The following ICE2 variants were observed in gnomAD, a reference collection of about 807,000 sequenced individuals.
ICE2 encodes little elongation complex subunit 2.
ICE2 carries 87 observed loss-of-function variants against 105.4 expected under a neutral mutation model. The observed-to-expected ratio is 0.83, with a 90% CI of 0.69 to 0.99. ICE2 has a LOEUF of 0.99. ICE2 is among the 50% of genes least tolerant of loss of function. ICE2 has a pLI of 0.00. For missense variants in ICE2, 1,323 were observed against 1,146.7 expected (o/e 1.15, Z -2.22); for synonymous variants, 399 against 392.0 (o/e 1.02, Z -0.21).
chr15:60,465,586 C>T (rs2064400336), intron 5 of ICE2, among the ~76,000 whole-genome samples: 1 of 152,040 alleles, frequency 6.6e-6, no homozygotes. Flanking sequence ...CCACCTTATC[C>T]CTTTTTAAGT....
At chr15:60,432,018 CT>C (rs1223094194) in intron 13 of ICE2, 34 bp from the exon 14 acceptor site, 16 of 1,210,192 alleles carry the variant, frequency 1.3e-5, no homozygotes, top group Non-Finnish European at 1.9e-5. Flanking sequence ...TAAAATTAAA[CT>C]GCAAAAAACT....
At chr15:60,458,092 A>G (rs562078721) in intron 5 of ICE2, among the ~76,000 whole-genome samples, 3 of 152,216 alleles carry the variant, frequency 2.0e-5, no homozygotes, top group Admixed American at 2.0e-4. Context: ...GGAAAATCTA[A>G]GACAGTTTTA....
At chr15:60,440,808 A>C (rs11855948) in intron 12 of ICE2, 6,547 of 152,238 alleles carry the variant, frequency 0.043, 223 homozygotes, top group East Asian at 0.16. Flanking sequence ...GAACAAACCA[A>C]AATCCCACAA....
At chr15:60,439,832 T>C (rs942283559) in intron 12 of ICE2, 2 of 152,238 alleles carry the variant, frequency 1.3e-5, no homozygotes, top group Non-Finnish European at 2.9e-5. Flanking sequence ...TCATCCTTTA[T>C]GTCACAATGC....
At chr15:60,466,242 G>A (rs945079972) in intron 5 of ICE2, among the ~76,000 whole-genome samples, 1 of 152,150 alleles carries the variant, frequency 6.6e-6, no homozygotes, top group African/African-American at 2.4e-5. Context: ...TCACTTGACC[G>A]AGTTTTAAAA....
At position 60,422,124 on chromosome 15, in the gene ICE2, C is replaced by G. The variant is rs1002820127; in HGVS notation, c.*1510G>C. ...TAGTGTAAGGGTTCTAAAGATTAAA[C>G]AAGCCTGTCCTGTTTTTTTTTTTCT... is the stretch of plus-strand genomic sequence containing the variant. On this transcript the variant is annotated 3_prime_UTR_variant, in exon 16 of 16. Coordinates refer to ENST00000261520, the MANE Select transcript of ICE2 (RefSeq NM_024611.6). 9 of 151,518 alleles carry G rather than the reference C, an allele frequency of 5.9e-5. No homozygotes were observed. The highest frequency in any genetic ancestry group is 1.9e-4 in the African/African-American group (8 of 41,230). 9.4% of individuals were successfully genotyped at this position (151,518 alleles called of 1,614,324 possible). A position where few individuals can be genotyped will look rare whatever the true frequency, so the allele number is the denominator to read the frequency against.
chr15:60,426,595 G>A (rs1308160313), intron 15 of ICE2, among the ~76,000 whole-genome samples: 1 of 152,176 alleles, frequency 6.6e-6, no homozygotes, highest in African/African-American at 2.4e-5. Flanking sequence ...AATCATTAAA[G>A]TATTTCCAAA....
chr15:60,457,419 G>A (rs1294016763), intron 5 of ICE2, among the ~76,000 whole-genome samples: 1 of 152,082 alleles, frequency 6.6e-6, no homozygotes, highest in African/African-American at 2.4e-5. Flanking sequence ...TGGGGGTGGG[G>A]AAGAGTTGTT....
In ICE2 at chr15:60,476,172, G is replaced by C; in HGVS notation, c.42-5C>G. On this transcript the variant is annotated splice_region_variant and splice_polypyrimidine_tract_variant and intron_variant, in intron 2 of 15. Coordinates refer to ENST00000261520, the MANE Select transcript of ICE2 (RefSeq NM_024611.6). ...CCATTTTTGGGGGAAATATCCCTGT[G>C]AAACAAAGTAATTTACTTACATTTG... 2 of 1,546,726 alleles carry C rather than the reference G, an allele frequency of 1.3e-6. No individual in the cohort carries two copies. Among genetic ancestry groups the C allele is most frequent in the Non-Finnish European group, 1.8e-6 (2 of 1,129,052 alleles).
intron 12 of ICE2, among the ~76,000 whole-genome samples, chr15:60,436,821 T>G (rs1306198279): frequency 6.6e-6 from 1 of 152,042 alleles, no homozygotes; most frequent in East Asian, 1.9e-4. Context: ...TGTATTTTTA[T>G]GTTAATACAT....
In ICE2 at chr15:60,456,693, C is replaced by T; in HGVS notation, c.630G>A (p.Glu210=). ...GAGTTTTTTCTAACTTTAATCCCAT[C>T]TCTACTCTGAATGGGAAGAATCCCA... ...SLMGFFPFRV[E]MGLKLEKTLL... The change falls in exon 6 of 16, where the codon GAG becomes GAA. Residue 210 remains glutamate (E), a synonymous_variant. Coordinates refer to ENST00000261520, the MANE Select transcript of ICE2 (RefSeq NM_024611.6). The T allele has an allele frequency of 6.3e-7, 1 of 1,597,108 alleles. No homozygotes were observed. The highest frequency in any genetic ancestry group is 8.5e-7 in the Non-Finnish European group (1 of 1,171,846).
At chr15:60,462,424 C>CA (rs2141120806) in intron 5 of ICE2, among the ~76,000 whole-genome samples, 2 of 151,982 alleles carry the variant, frequency 1.3e-5, no homozygotes, top group African/African-American at 4.8e-5. Flanking sequence ...GTTCTCACAA[C>CA]AAAAAAACAG....
intron 13 of ICE2, among the ~76,000 whole-genome samples, chr15:60,434,184 T>C (rs142112927): frequency 2.6e-5 from 4 of 152,240 alleles, no homozygotes; most frequent in African/African-American, 7.2e-5. Context: ...GAGATGAAAA[T>C]GGGATAATAA....
intron 12 of ICE2, 33 bp from the exon 13 acceptor site, chr15:60,436,260 G>T: frequency 3.6e-6 from 3 of 833,524 alleles, no homozygotes; most frequent in Admixed American, 3.1e-5. Context: ...GAAAGAAGAA[G>T]CAATTGCAGT....
At chr15:60,433,795 CCTTTT>C (rs2063517516) in intron 13 of ICE2, among the ~76,000 whole-genome samples, 1 of 12,198 alleles carries the variant, frequency 8.2e-5, no homozygotes, top group Non-Finnish European at 4.9e-4. Context: ...CTGACCTCCT[CCTTTT>C]TTTTAAAAAA....
chr15:60,457,350 G>T (rs975349488), intron 5 of ICE2, among the ~76,000 whole-genome samples: 2 of 152,144 alleles, frequency 1.3e-5, no homozygotes. Flanking sequence ...ACAGCTTTCT[G>T]TGAGAATAAT....
At chr15:60,455,623 G>GTT (rs35859869) in intron 6 of ICE2, among the ~76,000 whole-genome samples, 181 bp from the exon 7 acceptor site, 14 of 144,712 alleles carry the variant, frequency 9.7e-5, no homozygotes, top group African/African-American at 1.5e-4. Context: ...CTACCTGTGG[G>GTT]TTTTTTTTTT....
Position 60,469,293 on chromosome 15 carries a change from G to A in ICE2, c.147-971C>T, listed in dbSNP as rs371727990. Among the ~76,000 whole-genome samples, 55 of 152,222 alleles carry A rather than the reference G, an allele frequency of 3.6e-4. No homozygotes were observed. The East Asian group carries it at 6.2e-3, about 17-fold the overall frequency. ...AAGGGAATACACATGGGCGTGTTGC[G>A]GGGTGGGGTTGGGGTAGGAGAACAT... On this transcript the variant is annotated intron_variant, in intron 3 of 15. Transcript: ENST00000261520.
At chr15:60,424,523 T>A (rs2063298234) in intron 15 of ICE2, among the ~76,000 whole-genome samples, 1 of 139,160 alleles carries the variant, frequency 7.2e-6, no homozygotes, top group Admixed American at 7.4e-5. Context: ...TTTTTTTCTT[T>A]TGAGACAGAG....
Sources: gnomAD v4.1 joint callset for allele counts (sites outside exome capture counted in the v4.1 genomes callset) on GRCh38, gnomAD v4.1.1 for gene constraint, MANE v1.5 for transcripts, NCBI Gene and HGNC (gene_info 2026-07-23, HGNC 2026-07-21) for gene names.